Variants in WDHD1 observed in about 807,000 individuals in gnomAD.
The protein encoded by WDHD1 is WD repeat and HMG-box DNA-binding protein 1.
Under a neutral mutation model 135.4 loss-of-function variants are expected in WDHD1, and 111 were observed. The observed-to-expected ratio is 0.82, with a 90% CI of 0.70 to 0.96. The LOEUF is 0.96. Ranked by LOEUF, WDHD1 falls within the 40% of genes least tolerant of loss-of-function variation. The pLI, the probability that WDHD1 is intolerant of heterozygous loss-of-function variation, is 0.00. For missense variants in WDHD1, 1,351 were observed against 1,336.3 expected (o/e 1.01, Z -0.17); for synonymous variants, 434 against 439.0 (o/e 0.99, Z 0.14).
chr14:54,987,056 A>G (rs1476049951), intron 14 of WDHD1, 90 bp downstream of exon 14: 1 of 1,462,792 alleles, frequency 6.8e-7, no homozygotes, highest in African/African-American at 1.4e-5. Flanking sequence ...GGAAGTATAT[A>G]ATCCAAGACA....
At chr14:55,006,199 A>G (rs969882353) in intron 7 of WDHD1, among the ~76,000 whole-genome samples, 3 of 152,200 alleles carry the variant, frequency 2.0e-5, no homozygotes, top group African/African-American at 7.2e-5. Context: ...AAAACTATAG[A>G]TTAATTTAGG....
chr14:54,975,246 G>A (rs1280607524), intron 16 of WDHD1, among the ~76,000 whole-genome samples: 1 of 152,144 alleles, frequency 6.6e-6, no homozygotes, highest in Non-Finnish European at 1.5e-5. Flanking sequence ...TTAACCAGTA[G>A]TGTCATGAAA....
At chr14:55,020,727 C>A (rs959321372) in intron 2 of WDHD1, among the ~76,000 whole-genome samples, 4 of 152,138 alleles carry the variant, frequency 2.6e-5, no homozygotes, top group Admixed American at 6.5e-5. Context: ...AACCCCTAAA[C>A]AGTCAAAAAT....
intron 3 of WDHD1, among the ~76,000 whole-genome samples, chr14:55,011,455 C>T (rs557121537): frequency 4.2e-4 from 54 of 128,430 alleles, no homozygotes; most frequent in African/African-American, 1.5e-3. Flanking sequence ...ACCCGGGAGG[C>T]GGCGGTTGCA....
At chr14:55,020,821 C>T (rs2042333391) in intron 2 of WDHD1, among the ~76,000 whole-genome samples, 1 of 152,106 alleles carries the variant, frequency 6.6e-6, no homozygotes, top group Admixed American at 6.5e-5. Flanking sequence ...AAACAATTAA[C>T]ACATATTTTG....
At chr14:54,942,901 C>T (rs1595048651) in intron 25 of WDHD1, among the ~76,000 whole-genome samples, 1 of 152,220 alleles carries the variant, frequency 6.6e-6, no homozygotes, top group East Asian at 1.9e-4. Flanking sequence ...AAGTCTCTTC[C>T]TCTTTTGCAG....
At chr14:55,006,896 C>T (rs766413425) in intron 7 of WDHD1, among the ~76,000 whole-genome samples, 2 of 151,918 alleles carry the variant, frequency 1.3e-5, no homozygotes, top group African/African-American at 4.8e-5. Context: ...TATTTTTACA[C>T]TCAAAGTTGA....
chr14:54,967,255 G>C, intron 17 of WDHD1, 25 bp downstream of exon 17: 1 of 1,553,990 alleles, frequency 6.4e-7, no homozygotes, highest in Non-Finnish European at 8.9e-7. Context: ...CAAATTCAAA[G>C]TGTCAAGGTA....
chr14:54,986,753 G>A (rs531964358), intron 14 of WDHD1, among the ~76,000 whole-genome samples: 2 of 152,126 alleles, frequency 1.3e-5, no homozygotes, highest in African/African-American at 4.8e-5. Context: ...CATAGTGACG[G>A]GGACTGAAGA....
rs17128082 is a variant in WDHD1 at position 54,940,555 on chromosome 14, C to G, written c.*935G>C. 6,125 of 152,102 alleles carry G rather than the reference C, an allele frequency of 0.04. 407 individuals carry two copies. Among genetic ancestry groups the G allele is most frequent in the African/African-American group, 0.14 (5,826 of 41,468 alleles). 9.4% of individuals were successfully genotyped at this position (152,102 alleles called of 1,614,324 possible). On this transcript the variant is annotated 3_prime_UTR_variant, in exon 26 of 26. Coordinates refer to ENST00000360586, the MANE Select transcript of WDHD1 (RefSeq NM_007086.4). The stretch of plus-strand genomic sequence containing the variant: ...TTTATGTGGCTGCATTTGTATTAGT[C>G]TCTGCTTAGAAAACCAAAAATGTAT...
At chr14:55,001,611 AAGAG>A (rs1254930085) in intron 8 of WDHD1, among the ~76,000 whole-genome samples, 1 of 152,222 alleles carries the variant, frequency 6.6e-6, no homozygotes, top group Non-Finnish European at 1.5e-5. Flanking sequence ...TTATCCTAGA[AAGAG>A]AGACAATTCA....
intron 7 of WDHD1, chr14:55,005,256 T>C (rs1267607815): frequency 1.8e-6 from 1 of 540,880 alleles, no homozygotes; most frequent in African/African-American, 1.9e-5. Flanking sequence ...CACAGAGCAA[T>C]GGTAGGTACG....
chr14:54,946,893 A>C (rs2040935606), intron 24 of WDHD1, among the ~76,000 whole-genome samples: 1 of 152,066 alleles, frequency 6.6e-6, no homozygotes, highest in African/African-American at 2.4e-5. Context: ...AAAATAACAA[A>C]ATTAGTGGGC....
intron 4 of WDHD1, among the ~76,000 whole-genome samples, 186 bp from the exon 5 acceptor site, chr14:55,008,905 T>G (rs1368306964): frequency 6.6e-6 from 1 of 151,890 alleles, no homozygotes; most frequent in Non-Finnish European, 1.5e-5. Context: ...CAAGCGATTC[T>G]CCTGCCTCAG....
At chr14:54,989,647 A>T (rs554300792) in intron 12 of WDHD1, among the ~76,000 whole-genome samples, 2 of 151,886 alleles carry the variant, frequency 1.3e-5, no homozygotes, top group South Asian at 4.2e-4. Context: ...AAATACATAC[A>T]TTTTAAGAAA....
chr14:55,002,284 T>C (rs2041991748), intron 7 of WDHD1, 99 bp from the exon 8 acceptor site: 3 of 837,980 alleles, frequency 3.6e-6, no homozygotes, highest in Non-Finnish European at 5.6e-6. Context: ...TTACAAGACA[T>C]AAAAGCAAAT....
chr14:54,988,695 T>G (rs1432201200), intron 13 of WDHD1, among the ~76,000 whole-genome samples: 1 of 150,968 alleles, frequency 6.6e-6, no homozygotes, highest in Admixed American at 6.6e-5. Flanking sequence ...TGTATACTGG[T>G]TTTTTTTCTT....
chr14:55,018,305 G>C (rs561677508), intron 2 of WDHD1, among the ~76,000 whole-genome samples: 1 of 152,274 alleles, frequency 6.6e-6, no homozygotes, highest in East Asian at 1.9e-4. Flanking sequence ...TGCACAGGAA[G>C]ACACTGAAAT....
At chr14:54,943,998 A>G (rs537824823) in intron 25 of WDHD1, among the ~76,000 whole-genome samples, 2 of 152,288 alleles carry the variant, frequency 1.3e-5, no homozygotes, top group South Asian at 4.2e-4. Context: ...TAATTACTAC[A>G]TATCCATATT....
Sources: allele counts gnomAD v4.1 joint callset (sites outside exome capture counted in the v4.1 genomes callset), GRCh38; gene constraint gnomAD v4.1.1; transcripts MANE v1.5; gene names NCBI Gene and HGNC (gene_info 2026-07-23, HGNC 2026-07-21).